The following NFIB variants were observed in gnomAD, a reference collection of about 807,000 sequenced individuals.
The protein encoded by NFIB is nuclear factor 1 B-type.
NFIB carries 11 observed loss-of-function variants against 61.5 expected under a neutral mutation model. The observed-to-expected ratio is 0.18, with a 90% confidence interval of 0.11 to 0.30. The LOEUF is 0.30. NFIB is among the 10% of genes least tolerant of loss of function. The probability of loss-of-function intolerance (pLI) is 1.00; values close to 1 mark genes in which losing one functional copy is unlikely to be tolerated. For missense variants in NFIB, 471 were observed against 608.9 expected (o/e 0.77, Z 2.38); for synonymous variants, 260 against 216.5 (o/e 1.20, Z -1.76).
At chr9:14,138,265 T>C (rs115039789) in intron 6 of NFIB, among the ~76,000 whole-genome samples, 52 of 152,272 alleles carry the variant, frequency 3.4e-4, no homozygotes, top group African/African-American at 1.2e-3. Flanking sequence ...CAAATGGCAA[T>C]AGAATCTTGT....
At chr9:14,376,517 C>CTTTTTTT (rs781462864) in intron 1 of NFIB, among the ~76,000 whole-genome samples, 1 of 128,430 alleles carries the variant, frequency 7.8e-6, no homozygotes, top group African/African-American at 3.7e-5. Flanking sequence ...CTAAAAGTGT[C>CTTTTTTT]ATTTTTTTTT....
At chr9:14,165,335 A>G (rs969897551) in intron 3 of NFIB, among the ~76,000 whole-genome samples, 5 of 152,182 alleles carry the variant, frequency 3.3e-5, no homozygotes, top group African/African-American at 1.2e-4. Flanking sequence ...CATCGAAACA[A>G]AACAATGAAC....
At chr9:14,345,669 G>A (rs1358789418) in intron 1 of NFIB, among the ~76,000 whole-genome samples, 1 of 152,134 alleles carries the variant, frequency 6.6e-6, no homozygotes, top group African/African-American at 2.4e-5. Context: ...GGGTTTGGGG[G>A]TGCTTCTCCT....
At chr9:14,323,101 G>C (rs2060701553) in intron 1 of NFIB, among the ~76,000 whole-genome samples, 1 of 152,240 alleles carries the variant, frequency 6.6e-6, no homozygotes, top group African/African-American at 2.4e-5. Context: ...CCGTGTAGGA[G>C]GACTCCCGAA....
At chr9:14,405,613 CA>C in the NFIB span, among the ~76,000 whole-genome samples, 13 of 151,666 alleles carry the variant, frequency 8.6e-5, no homozygotes, top group South Asian at 1.0e-3. Context: ...TAGCAATTTC[CA>C]AAAAAAATGG....
Position 14,088,056 on chromosome 9 carries a change from T to C in NFIB, c.*253A>G. The C allele has an allele frequency of 3.0e-6, 2 of 669,208 alleles. No homozygotes were observed. Among genetic ancestry groups the C allele is most frequent in the Non-Finnish European group, 4.4e-6 (2 of 459,584 alleles). The allele number at this position is 669,208 out of a possible 1,614,324, so 41.5% of individuals were successfully genotyped here. On this transcript the variant is annotated 3_prime_UTR_variant, in exon 11 of 11. Coordinates refer to ENST00000380953, the MANE Select transcript of NFIB (RefSeq NM_001190737.2). ...CCTTAAGGGAATTAGTGATTGTAAG[T>C]GCTGCAATTGCTGGTCTATTATCTT...
chr9:14,335,085 G>C (rs747411185), intron 1 of NFIB, among the ~76,000 whole-genome samples: 1 of 152,100 alleles, frequency 6.6e-6, no homozygotes, highest in Non-Finnish European at 1.5e-5. Flanking sequence ...CCTGTTGATG[G>C]ACAATTAGGT....
At chr9:14,296,619 A>G (rs1002780738) in intron 2 of NFIB, among the ~76,000 whole-genome samples, 4 of 152,202 alleles carry the variant, frequency 2.6e-5, no homozygotes, top group Non-Finnish European at 5.9e-5. Flanking sequence ...TGCTGCATGT[A>G]CGGAAACAAG....
chr9:14,519,576 T>C, the NFIB span, among the ~76,000 whole-genome samples: 1 of 152,312 alleles, frequency 6.6e-6, no homozygotes, highest in South Asian at 2.1e-4. Context: ...TATTTGTGTC[T>C]TTTCTTATTT....
chr9:14,296,216 A>G (rs1166384590), intron 2 of NFIB, among the ~76,000 whole-genome samples: 1 of 152,182 alleles, frequency 6.6e-6, no homozygotes, highest in Non-Finnish European at 1.5e-5. Context: ...TCCTTCATAT[A>G]TAGTAGTAAT....
At chr9:14,113,167 T>C (rs1381316012) in intron 9 of NFIB, 86 bp from the exon 10 acceptor site, 6 of 1,235,600 alleles carry the variant, frequency 4.9e-6, no homozygotes, top group Non-Finnish European at 6.5e-6. Context: ...CCCAGAGAAG[T>C]GGGATTTGCA....
the NFIB span, among the ~76,000 whole-genome samples, chr9:14,481,208 T>C: frequency 4.2e-4 from 27 of 64,988 alleles, no homozygotes; most frequent in African/African-American, 1.5e-3. Flanking sequence ...TATATATATA[T>C]ATATATATAT....
chr9:14,305,458 A>G (rs1431146876), intron 2 of NFIB, among the ~76,000 whole-genome samples: 3 of 152,210 alleles, frequency 2.0e-5, no homozygotes, highest in Non-Finnish European at 4.4e-5. Flanking sequence ...TGTCAATCAA[A>G]TAAGTGTCAT....
the NFIB span, among the ~76,000 whole-genome samples, chr9:14,417,055 G>A: frequency 6.6e-6 from 1 of 151,354 alleles, no homozygotes; most frequent in African/African-American, 2.4e-5. Context: ...ACCACACCCG[G>A]CTAATTTTTT....
intron 3 of NFIB, among the ~76,000 whole-genome samples, chr9:14,171,469 GT>G (rs2045558153): frequency 6.6e-6 from 1 of 152,148 alleles, no homozygotes; most frequent in African/African-American, 2.4e-5. Context: ...TTTTTTAAAG[GT>G]TTTTCCTCAA....
intron 1 of NFIB, among the ~76,000 whole-genome samples, chr9:14,397,844 T>C (rs896821993): frequency 6.6e-6 from 1 of 152,198 alleles, no homozygotes; most frequent in Non-Finnish European, 1.5e-5. Flanking sequence ...AATGGGTACG[T>C]GCTGCTTTTC....
intron 1 of NFIB, among the ~76,000 whole-genome samples, chr9:14,363,879 T>G (rs1479205431): frequency 6.6e-6 from 1 of 152,192 alleles, no homozygotes; most frequent in Admixed American, 6.5e-5. Flanking sequence ...AAACTTATCA[T>G]CTTTTTAATC....
chr9:14,168,319 T>C (rs1025892328), intron 3 of NFIB, among the ~76,000 whole-genome samples: 1 of 152,150 alleles, frequency 6.6e-6, no homozygotes, highest in Non-Finnish European at 1.5e-5. Context: ...GGGCTCAGAA[T>C]TCATTAAGGG....
intron 1 of NFIB, among the ~76,000 whole-genome samples, chr9:14,381,528 G>A (rs765134903): frequency 4.7e-4 from 71 of 152,212 alleles, no homozygotes; most frequent in Non-Finnish European, 1.0e-4. Flanking sequence ...TTTTTAAATA[G>A]TAATTATCAT....
Sources: gnomAD v4.1 joint callset for allele counts (sites outside exome capture counted in the v4.1 genomes callset) on GRCh38, gnomAD v4.1.1 for gene constraint, MANE v1.5 for transcripts, NCBI Gene and HGNC (gene_info 2026-07-23, HGNC 2026-07-21) for gene names.